Variants in ELAVL3 observed in about 807,000 individuals in gnomAD.
The protein encoded by ELAVL3 is ELAV like RNA binding protein 3.
Under a neutral mutation model 34.2 loss-of-function variants are expected in ELAVL3, and 8 were observed. That is an observed-to-expected ratio of 0.23 (90% confidence interval 0.14 to 0.42). The LOEUF (loss-of-function observed/expected upper bound fraction) is 0.42. Among genes scored for constraint, ELAVL3 ranks in the 10% least tolerant of loss-of-function variants. The pLI, the probability that ELAVL3 is intolerant of heterozygous loss-of-function variation, is 1.00. For missense variants in ELAVL3, 273 were observed against 518.8 expected, an observed-to-expected ratio of 0.53 and a Z score of 4.60; for synonymous variants, 209 against 222.1, an observed-to-expected ratio of 0.94 and a Z score of 0.53.
intron 1 of ELAVL3, among the ~76,000 whole-genome samples, chr19:11,479,782 C>T (rs1433840298): frequency 6.6e-6 from 1 of 151,420 alleles, no homozygotes; most frequent in African/African-American, 2.4e-5. Flanking sequence ...GCGGTGCGGG[C>T]GAGCAGGCGG....
rs1355828166 is a variant in ELAVL3 at position 11,480,908 on chromosome 19, G to T, written c.-300C>A. 9.1e-6 allele frequency: 3 copies of T among 331,172 alleles called. No homozygotes were observed. In the East Asian group the frequency reaches 1.4e-4, roughly 15 times the overall value. The allele number at this position is 331,172 out of a possible 1,614,324, so 20.5% of individuals were successfully genotyped here. On this transcript the variant is annotated 5_prime_UTR_variant, in exon 1 of 7. Coordinates refer to ENST00000359227, the MANE Select transcript of ELAVL3 (RefSeq NM_001420.4). This position sits in a 1 kb window ranked among gnomAD's most constrained non-coding sequence, Gnocchi z 6.8. ...GCCCCGCGGGGCCCGGGGAGGTTGCGCTTCCCGACAGAGATCGCGGCGCTC... is the reference window on the plus strand; with the variant it reads ...GCCCCGCGGGGCCCGGGGAGGTTGCTCTTCCCGACAGAGATCGCGGCGCTC...
chr19:11,462,240 G>C (rs1970903511), intron 3 of ELAVL3, among the ~76,000 whole-genome samples: 1 of 151,742 alleles, frequency 6.6e-6, no homozygotes, highest in African/African-American at 2.4e-5. Flanking sequence ...CAGTTTGAGA[G>C]TGAATGGGGG....
At chr19:11,476,763 G>A (rs963502914) in intron 1 of ELAVL3, among the ~76,000 whole-genome samples, 9 of 152,176 alleles carry the variant, frequency 5.9e-5, no homozygotes, top group South Asian at 2.1e-4. Context: ...GCCAGGCATG[G>A]TGGTGGGCAC....
In ELAVL3 at chr19:11,453,626, AC is replaced by A. The variant is rs1325153855; in HGVS notation, c.*899del. 6.5e-6 allele frequency: 1 copy of A among 152,736 alleles called. No individual in the cohort carries two copies. Among genetic ancestry groups the A allele is most frequent in the Non-Finnish European group, 1.5e-5 (1 of 68,056 alleles). The allele number at this position is 152,736 out of a possible 1,614,324, so 9.5% of individuals were successfully genotyped here. The stretch of plus-strand genomic sequence containing the variant: ...TGTCTCTTTCTGTCTATCCCTGTCC[AC>A]GTGTCTGAGTTTGGCCAACCAGTCC... On this transcript the variant is annotated 3_prime_UTR_variant, in exon 7 of 7. Coordinates refer to ENST00000359227, the MANE Select transcript of ELAVL3 (RefSeq NM_001420.4).
chr19:11,464,167 A>ATATATATATTT (rs1319720810), intron 3 of ELAVL3, among the ~76,000 whole-genome samples: 3 of 103,850 alleles, frequency 2.9e-5, no homozygotes, highest in Non-Finnish European at 3.7e-5. Context: ...ATATATATAT[A>ATATATATATTT]TTTTTTTTTT....
In ELAVL3 at chr19:11,480,512, C is replaced by A; in HGVS notation, c.9+88G>T. 2.9e-6 allele frequency: 4 copies of A among 1,401,388 alleles called. No individual in the cohort carries two copies. The South Asian group carries it at 4.9e-5, about 17-fold the overall frequency. The allele number at this position is 1,401,388 out of a possible 1,614,324, so 86.8% of individuals were successfully genotyped here. A position where few individuals can be genotyped will look rare whatever the true frequency, so the allele number is the denominator to read the frequency against. Reference sequence around the variant, plus strand: ...GGGCCTAGCTAGGCCTGGTCCTACCCCCCCCGCCGCACCCGCCCAATCTCC... The same window carrying A: ...GGGCCTAGCTAGGCCTGGTCCTACCACCCCCGCCGCACCCGCCCAATCTCC... On this transcript the variant is annotated intron_variant, in intron 1 of 6. Coordinates refer to ENST00000359227, the MANE Select transcript of ELAVL3 (RefSeq NM_001420.4). This position sits in a 1 kb window ranked among gnomAD's most constrained non-coding sequence, Gnocchi z 6.8.
In ELAVL3 at chr19:11,454,957, C is replaced by A. The variant is rs1310052484; in HGVS notation, c.753-80G>T. On this transcript the variant is annotated intron_variant, in intron 6 of 6. Coordinates refer to ENST00000359227, the MANE Select transcript of ELAVL3 (RefSeq NM_001420.4). The surrounding 1 kb of genome is among the most constrained non-coding windows in gnomAD (Gnocchi z 9.2). ...GTTGTGACCCTTCACACCTTTATGA[C>A]CCCTGACTGTGCCATGACCTTGGAA... 6 of 1,439,326 alleles carry A rather than the reference C, an allele frequency of 4.2e-6. No individual in the cohort carries two copies. In the South Asian group the frequency reaches 8.0e-5, roughly 19 times the overall value. 89.2% of individuals were successfully genotyped at this position (1,439,326 alleles called of 1,614,324 possible). A position where few individuals can be genotyped will look rare whatever the true frequency, so the allele number is the denominator to read the frequency against.
rs553231182 is a variant in ELAVL3 at position 11,480,479 on chromosome 19, C to T, written c.9+121G>A. 24 of 1,210,936 alleles carry T rather than the reference C, an allele frequency of 2.0e-5. No individual in the cohort carries two copies. Among genetic ancestry groups the T allele is most frequent in the Non-Finnish European group, 2.5e-5 (23 of 923,820 alleles). The allele number at this position is 1,210,936 out of a possible 1,614,324, so 75.0% of individuals were successfully genotyped here. A position where few individuals can be genotyped will look rare whatever the true frequency, so the allele number is the denominator to read the frequency against. ...AGGCCCCGAGGCTTGGTCCTACCCC[C>T]CCAACCCGGGCCTAGCTAGGCCTGG... On this transcript the variant is annotated intron_variant, in intron 1 of 6. Transcript: ENST00000359227. The surrounding 1 kb of genome is among the most constrained non-coding windows in gnomAD (Gnocchi z 6.8).
At chr19:11,470,082 C>G (rs1971133494) in intron 1 of ELAVL3, among the ~76,000 whole-genome samples, 1 of 151,964 alleles carries the variant, frequency 6.6e-6, no homozygotes, top group African/African-American at 2.4e-5. Context: ...AAGCTGGGGG[C>G]AGTGGCTCAA....
At chr19:11,457,035 G>A (rs1258532699) in intron 6 of ELAVL3, 75 bp downstream of exon 6, 2 of 1,332,902 alleles carry the variant, frequency 1.5e-6, no homozygotes, top group Non-Finnish European at 2.0e-6. Flanking sequence ...TGCAGCCCTG[G>A]GGGTGAGCTG....
chr19:11,473,541 C>T (rs567094298), intron 1 of ELAVL3, among the ~76,000 whole-genome samples: 1 of 152,204 alleles, frequency 6.6e-6, no homozygotes, highest in Non-Finnish European at 1.5e-5. Flanking sequence ...TAATTGTTCC[C>T]AAATATTGGC....
chr19:11,455,972 C>T (rs556612274), intron 6 of ELAVL3, among the ~76,000 whole-genome samples: 54 of 152,296 alleles, frequency 3.5e-4, no homozygotes, highest in African/African-American at 1.3e-3. Context: ...GAGGAACAAA[C>T]TACTCGCTCC....
At chr19:11,472,074 G>A (rs1175949978) in intron 1 of ELAVL3, among the ~76,000 whole-genome samples, 2 of 152,204 alleles carry the variant, frequency 1.3e-5, no homozygotes, top group African/African-American at 4.8e-5. Flanking sequence ...GCCAGGCATG[G>A]TGGGTCACGG....
intron 1 of ELAVL3, among the ~76,000 whole-genome samples, chr19:11,468,764 T>G (rs1420717472): frequency 6.6e-6 from 1 of 152,198 alleles, no homozygotes; most frequent in Non-Finnish European, 1.5e-5. Flanking sequence ...TTAAACATTT[T>G]GCAGCCAAAC....
Position 11,464,123 on chromosome 19 carries a change from G to GTCTCTCTCTCTC in ELAVL3, c.333+2037_333+2048dup, listed in dbSNP as rs1165917141. On this transcript the variant is annotated intron_variant, in intron 3 of 6. Coordinates refer to ENST00000359227, the MANE Select transcript of ELAVL3 (RefSeq NM_001420.4). ...CCTCTCTCTCTCTCTGTCTCTCTCT[G>GTCTCTCTCTCTC]TCTCTCTCTCTCTCTCTCTCTCTCT... Among the ~76,000 whole-genome samples, 84 of 110,952 alleles carry GTCTCTCTCTCTC rather than the reference G, an allele frequency of 7.6e-4. 1 individual carries two copies. Among genetic ancestry groups the GTCTCTCTCTCTC allele is most frequent in the African/African-American group, 2.1e-3 (52 of 24,930 alleles). 72.8% of individuals were successfully genotyped at this position (110,952 alleles called of 152,430 possible). A position where few individuals can be genotyped will look rare whatever the true frequency, so the allele number is the denominator to read the frequency against.
chr19:11,470,737 A>C (rs1971147617), intron 1 of ELAVL3, among the ~76,000 whole-genome samples: 1 of 152,186 alleles, frequency 6.6e-6, no homozygotes, highest in African/African-American at 2.4e-5. Flanking sequence ...TGATAGATGG[A>C]GAATCTGAGG....
intron 1 of ELAVL3, among the ~76,000 whole-genome samples, chr19:11,468,814 C>T (rs1007916730): frequency 2.6e-5 from 4 of 152,070 alleles, no homozygotes; most frequent in East Asian, 1.9e-4. Flanking sequence ...TGGCCTTTAT[C>T]GGGTTAAGAA....
chr19:11,470,369 AAAAT>A (rs1971139242), intron 1 of ELAVL3, among the ~76,000 whole-genome samples: 1 of 151,962 alleles, frequency 6.6e-6, no homozygotes, highest in African/African-American at 2.4e-5. Context: ...TAATAGTAAT[AAAAT>A]AAATAAATAA....
At chr19:11,476,102 C>T (rs1045434289) in intron 1 of ELAVL3, among the ~76,000 whole-genome samples, 1 of 152,214 alleles carries the variant, frequency 6.6e-6, no homozygotes, top group African/African-American at 2.4e-5. Flanking sequence ...ATGCACTGCA[C>T]AGCTCTGCAT....
Sources: gnomAD v4.1 joint callset for allele counts (sites outside exome capture counted in the v4.1 genomes callset) on GRCh38, gnomAD v4.1.1 for gene constraint, Gnocchi (gnomAD v3.1) non-coding constraint, MANE v1.5 for transcripts, NCBI Gene and HGNC (gene_info 2026-07-23, HGNC 2026-07-21) for gene names.